KCTD16: variants seen among roughly 807,000 people sequenced by gnomAD.
KCTD16 encodes potassium channel tetramerization domain containing 16.
In KCTD16, 13 loss-of-function variants were observed where a neutral mutation model predicts 33.2. The observed-to-expected ratio is 0.39, with a 90% confidence interval of 0.25 to 0.62. KCTD16 has a LOEUF of 0.62. Ranked by LOEUF, KCTD16 falls within the 20% of genes least tolerant of loss-of-function variation. The pLI, the probability that KCTD16 is intolerant of heterozygous loss-of-function variation, is 0.50. For missense variants in KCTD16, 441 were observed against 525.1 expected, an observed-to-expected ratio of 0.84 and a Z score of 1.57; for synonymous variants, 197 against 195.3, an observed-to-expected ratio of 1.01 and a Z score of -0.07.
At chr5:144,374,020 C>G (rs1752031522) in intron 3 of KCTD16, among the ~76,000 whole-genome samples, 1 of 152,176 alleles carries the variant, frequency 6.6e-6, no homozygotes, top group Non-Finnish European at 1.5e-5. Context: ...GAACCTCTTG[C>G]CTCTATGTAC....
At chr5:144,453,884 G>A (rs1207062296) in intron 3 of KCTD16, among the ~76,000 whole-genome samples, 1 of 152,136 alleles carries the variant, frequency 6.6e-6, no homozygotes, top group Non-Finnish European at 1.5e-5. Context: ...CTTTGTAATA[G>A]TTAATTTCCC....
At chr5:144,294,833 T>G (rs761808957) in intron 3 of KCTD16, among the ~76,000 whole-genome samples, 2 of 152,178 alleles carry the variant, frequency 1.3e-5, no homozygotes, top group African/African-American at 4.8e-5. Context: ...GAGCATTTAC[T>G]GTATGGAAGT....
chr5:144,171,567 C>G (rs1171010119), intron 1 of KCTD16, among the ~76,000 whole-genome samples: 1 of 152,282 alleles, frequency 6.6e-6, no homozygotes, highest in East Asian at 1.9e-4. Context: ...AGTACTCCCC[C>G]CAACCAACCA....
intron 3 of KCTD16, among the ~76,000 whole-genome samples, chr5:144,356,134 C>T (rs1172954556): frequency 1.3e-5 from 2 of 152,136 alleles, no homozygotes; most frequent in Non-Finnish European, 2.9e-5. Flanking sequence ...ACCCACATAA[C>T]ATGGTTAGAA....
chr5:144,401,644 G>A (rs1468883866), intron 3 of KCTD16, among the ~76,000 whole-genome samples: 1 of 152,040 alleles, frequency 6.6e-6, no homozygotes, highest in East Asian at 1.9e-4. Context: ...CATTGCTTTG[G>A]GGCAACAAAA....
At chr5:144,243,904 C>T (rs756001236) in intron 3 of KCTD16, among the ~76,000 whole-genome samples, 20 of 152,088 alleles carry the variant, frequency 1.3e-4, no homozygotes, top group South Asian at 2.1e-4. Flanking sequence ...CCATCACGCC[C>T]GGCTAATTTT....
chr5:144,337,986 G>A (rs1007695197), intron 3 of KCTD16, among the ~76,000 whole-genome samples: 8 of 152,102 alleles, frequency 5.3e-5, no homozygotes, highest in Admixed American at 1.3e-4. Context: ...AAACCATGCT[G>A]GCCAAAAGGA....
chr5:144,284,460 G>A (rs1017516944), intron 3 of KCTD16, among the ~76,000 whole-genome samples: 1 of 152,172 alleles, frequency 6.6e-6, no homozygotes. Context: ...AAGCTCAAAG[G>A]CTGGTTTTCT....
intron 3 of KCTD16, among the ~76,000 whole-genome samples, chr5:144,398,708 A>ACACTCTCTCTCT (rs1554092476): frequency 1.4e-5 from 2 of 145,454 alleles, no homozygotes; most frequent in African/African-American, 5.0e-5. Context: ...ACACACACAC[A>ACACTCTCTCTCT]CTCTCTCTCT....
chr5:144,368,605 A>C (rs939218857), intron 3 of KCTD16, among the ~76,000 whole-genome samples: 2 of 152,120 alleles, frequency 1.3e-5, no homozygotes, highest in Non-Finnish European at 2.9e-5. Context: ...CCCAGACAAC[A>C]CCTTCATTTT....
chr5:144,356,795 C>T (rs1306022160), intron 3 of KCTD16, among the ~76,000 whole-genome samples: 1 of 152,090 alleles, frequency 6.6e-6, no homozygotes, highest in Non-Finnish European at 1.5e-5. Flanking sequence ...ACAATAAGCT[C>T]CCCTCCCGCT....
At chr5:144,318,799 C>G (rs1751995055) in intron 3 of KCTD16, among the ~76,000 whole-genome samples, 1 of 152,222 alleles carries the variant, frequency 6.6e-6, no homozygotes, top group South Asian at 2.1e-4. Context: ...GAATGTTCCC[C>G]AAAATGAGGT....
chr5:144,378,739 C>T (rs749170718), intron 3 of KCTD16, among the ~76,000 whole-genome samples: 1 of 152,126 alleles, frequency 6.6e-6, no homozygotes, highest in Non-Finnish European at 1.5e-5. Context: ...GTCAAGGCAA[C>T]AGAATAGACT....
At chr5:144,359,182 C>G (rs2126914398) in intron 3 of KCTD16, among the ~76,000 whole-genome samples, 1 of 152,302 alleles carries the variant, frequency 6.6e-6, no homozygotes, top group East Asian at 1.9e-4. Context: ...TGTGCCCTGT[C>G]TCTATAGGAC....
At chr5:144,240,142 G>A (rs1232006051) in intron 3 of KCTD16, among the ~76,000 whole-genome samples, 1 of 152,094 alleles carries the variant, frequency 6.6e-6, no homozygotes, top group African/African-American at 2.4e-5. Flanking sequence ...CTAATAAGTG[G>A]TAAAATCAGA....
chr5:144,213,583 G>C (rs1409758896), intron 3 of KCTD16, among the ~76,000 whole-genome samples: 1 of 152,120 alleles, frequency 6.6e-6, no homozygotes, highest in Non-Finnish European at 1.5e-5. Flanking sequence ...AAGCTCGTTA[G>C]ATCTAGACTC....
intron 3 of KCTD16, among the ~76,000 whole-genome samples, chr5:144,310,473 C>T (rs1163315821): frequency 6.6e-6 from 1 of 151,452 alleles, no homozygotes; most frequent in Admixed American, 6.6e-5. Flanking sequence ...TGAAAACTCT[C>T]CACACTGTTT....
intron 3 of KCTD16, among the ~76,000 whole-genome samples, chr5:144,461,485 G>A (rs184744069): frequency 1.2e-3 from 185 of 152,284 alleles, no homozygotes; most frequent in Non-Finnish European, 2.1e-3. Context: ...CCTCCTGAGT[G>A]CTGTGGAATC....
intron 3 of KCTD16, among the ~76,000 whole-genome samples, chr5:144,365,375 A>G (rs1208253748): frequency 2.0e-5 from 3 of 152,148 alleles, no homozygotes; most frequent in Non-Finnish European, 2.9e-5. Context: ...TATTTATTCA[A>G]TCACTCTTCT....
Sources: gnomAD v4.1 joint callset for allele counts (sites outside exome capture counted in the v4.1 genomes callset) on GRCh38, gnomAD v4.1.1 for gene constraint, MANE v1.5 for transcripts, NCBI Gene and HGNC (gene_info 2026-07-23, HGNC 2026-07-21) for gene names.